The following PCDHGB2 variants were observed in gnomAD, a reference collection of about 807,000 sequenced individuals.
PCDHGB2 encodes protocadherin gamma subfamily B, 2.
A neutral mutation model predicts 59.3 loss-of-function variants in PCDHGB2; 55 were observed. The observed-to-expected ratio is 0.93, with a 90% CI of 0.75 to 1.16. PCDHGB2 has a LOEUF of 1.16. Ranked by LOEUF, PCDHGB2 falls within the 50% of genes most tolerant of loss-of-function variation. The probability of loss-of-function intolerance (pLI) is 0.00; values close to 1 mark genes in which losing one functional copy is unlikely to be tolerated. For synonymous variants in PCDHGB2, 516 were observed against 512.0 expected, an observed-to-expected ratio of 1.01 and a Z score of -0.11; for missense variants, 1,228 against 1,198.5, an observed-to-expected ratio of 1.02 and a Z score of -0.36.
At chr5:141,421,813 G>A in intron 1 of PCDHGB2, 1 of 1,613,838 alleles carries the variant, frequency 6.2e-7, no homozygotes, top group Non-Finnish European at 8.5e-7. Flanking sequence ...TCCAGAGCTA[G>A]TACTGGAGGG....
chr5:141,370,825 AACTGGCTCTC>A (rs1767227314), intron 1 of PCDHGB2: 3 of 1,614,070 alleles, frequency 1.9e-6, no homozygotes, highest in Admixed American at 3.3e-5. Context: ...GAAATCAGCG[AACTGGCTCTC>A]ACTGGAGCCA....
chr5:141,505,302 G>GTAC, intron 2 of PCDHGB2, 91 bp from the exon 3 acceptor site: 5 of 1,592,714 alleles, frequency 3.1e-6, no homozygotes, highest in Non-Finnish European at 4.3e-6. Context: ...TAGGGTTAGG[G>GTAC]TACTAGGTTT....
Position 141,389,814 on chromosome 5 carries a change from G to C in PCDHGB2, c.2421+27258G>C, listed in dbSNP as rs753211260. 2.0e-5 allele frequency: 32 copies of C among 1,613,868 alleles called. No individual in the cohort carries two copies. In the Admixed American group the frequency reaches 5.0e-4, roughly 25 times the overall value. ...CGTCCGCCAGCGCCTTCTGGTCGCCGTGCGTGACGGTGGACAGCCACCACT... is the reference window on the plus strand; with the variant it reads ...CGTCCGCCAGCGCCTTCTGGTCGCCCTGCGTGACGGTGGACAGCCACCACT... On this transcript the variant is annotated intron_variant, in intron 1 of 3. Transcript: ENST00000522605.
At chr5:141,467,352 C>A (rs2099142466) in intron 1 of PCDHGB2, among the ~76,000 whole-genome samples, 1 of 152,140 alleles carries the variant, frequency 6.6e-6, no homozygotes, top group South Asian at 2.1e-4. Context: ...TGCCCCCGGC[C>A]AAATCAACGT....
chr5:141,485,009 C>A lies in PCDHGB2; in HGVS notation c.2422-9798C>A, dbSNP rs531346426. 4 of 628,216 alleles carry A rather than the reference C, an allele frequency of 6.4e-6. No individual in the cohort carries two copies. Among genetic ancestry groups the A allele is most frequent in the African/African-American group, 3.7e-5 (2 of 54,100 alleles). 38.9% of individuals were successfully genotyped at this position (628,216 alleles called of 1,614,324 possible). On this transcript the variant is annotated intron_variant, in intron 1 of 3. Transcript: ENST00000522605. This position sits in a 1 kb window ranked among gnomAD's most constrained non-coding sequence, Gnocchi z 5.7. Reference sequence around the variant, plus strand: ...GGTGGTGAAAGGCAGACAAATCTACCCCGCCACCAGCAAAAACGGCGCGTA... The same window carrying A: ...GGTGGTGAAAGGCAGACAAATCTACACCGCCACCAGCAAAAACGGCGCGTA...
At chr5:141,475,983 C>T in intron 1 of PCDHGB2, 2 of 1,049,240 alleles carry the variant, frequency 1.9e-6, no homozygotes, top group Non-Finnish European at 2.8e-6. Context: ...GAACAGCCGG[C>T]GAGCAAATCA....
chr5:141,383,219 A>G (rs1333678455), intron 1 of PCDHGB2: 2 of 1,614,000 alleles, frequency 1.2e-6, no homozygotes, highest in Admixed American at 3.3e-5. Context: ...GTAAACTTTA[A>G]CATCCTGATG....
intron 2 of PCDHGB2, among the ~76,000 whole-genome samples, chr5:141,500,928 G>A (rs2099803943): frequency 6.6e-6 from 1 of 151,476 alleles, no homozygotes; most frequent in African/African-American, 2.4e-5. Context: ...GGGTGCAGTG[G>A]CGCCATCTCG....
chr5:141,399,213 T>C (rs2093770836), intron 1 of PCDHGB2: 1 of 1,613,852 alleles, frequency 6.2e-7, no homozygotes, highest in Non-Finnish European at 8.5e-7. Context: ...GAACACTAAT[T>C]GCTTTGATCA....
chr5:141,432,700 G>A lies in PCDHGB2; in HGVS notation c.2422-62107G>A. On this transcript the variant is annotated intron_variant, in intron 1 of 3. Transcript: ENST00000522605. The surrounding 1 kb of genome is among the most constrained non-coding windows in gnomAD (Gnocchi z 6.0). ...AGCAGAGCCTCGTAGTGGCCGTCCAGGACCACGGCCAGCCCCCTCTCTCCG... is the reference window on the plus strand; with the variant it reads ...AGCAGAGCCTCGTAGTGGCCGTCCAAGACCACGGCCAGCCCCCTCTCTCCG... The A allele has an allele frequency of 6.2e-7, 1 of 1,613,980 alleles. No individual in the cohort carries two copies. The highest frequency in any genetic ancestry group is 8.5e-7 in the Non-Finnish European group (1 of 1,179,978).
chr5:141,441,359 G>T (rs932747576), intron 1 of PCDHGB2: 1 of 152,522 alleles, frequency 6.6e-6, no homozygotes, highest in Non-Finnish European at 1.5e-5. Flanking sequence ...TGTAACAAAT[G>T]GGGCCGTGGA....
At chr5:141,371,515 T>C in intron 1 of PCDHGB2, 1 of 1,613,844 alleles carries the variant, frequency 6.2e-7, no homozygotes, top group Non-Finnish European at 8.5e-7. Context: ...ACACATGATC[T>C]AGATTCTGGA....
chr5:141,413,358 G>C, intron 1 of PCDHGB2: 1 of 1,613,972 alleles, frequency 6.2e-7, no homozygotes, highest in Non-Finnish European at 8.5e-7. Flanking sequence ...TGGCGCCCCG[G>C]GAGCTGGCGG....
chr5:141,384,792 C>T lies in PCDHGB2; in HGVS notation c.2421+22236C>T, dbSNP rs374905153. ...CGGGCGAGGTGCGCACGGCTCGGGC[C>T]CTGCTGGACAGAGATGCCCTCAAGC... On this transcript the variant is annotated intron_variant, in intron 1 of 3. Transcript: ENST00000522605. The T allele has an allele frequency of 5.0e-6, 8 of 1,613,404 alleles. No homozygotes were observed. The African/African-American group carries it at 6.7e-5, about 13-fold the overall frequency.
At chr5:141,421,913 T>C in intron 1 of PCDHGB2, 1 of 1,613,710 alleles carries the variant, frequency 6.2e-7, no homozygotes, top group Non-Finnish European at 8.5e-7. Context: ...GCAGTTCCCA[T>C]TCGTGTGGTG....
Position 141,476,441 on chromosome 5 carries a change from GAGTTGGT to G in PCDHGB2, c.2422-18362_2422-18356del. 3 of 1,614,160 alleles carry G rather than the reference GAGTTGGT, an allele frequency of 1.9e-6. No homozygotes were observed. The South Asian group carries it at 3.3e-5, about 18-fold the overall frequency. ...ACTGCCCTCTTGCACTGTAACTCTG[GAGTTGGT>G]AGTGGAGAACCCGCTGGAGCTGTTC... On this transcript the variant is annotated intron_variant, in intron 1 of 3. Transcript: ENST00000522605. The surrounding 1 kb of genome is among the most constrained non-coding windows in gnomAD (Gnocchi z 7.6).
chr5:141,376,836 G>T, intron 1 of PCDHGB2: 1 of 252,676 alleles, frequency 4.0e-6, no homozygotes, highest in Admixed American at 5.1e-5. Context: ...ACAGGCGCCC[G>T]CCACCGCGCC....
Position 141,421,478 on chromosome 5 carries a change from G to A in PCDHGB2, c.2421+58922G>A, listed in dbSNP as rs763769838. The A allele has an allele frequency of 2.5e-6, 4 of 1,614,012 alleles. No individual in the cohort carries two copies. In the African/African-American group the frequency reaches 4.0e-5, roughly 16 times the overall value. On this transcript the variant is annotated intron_variant, in intron 1 of 3. Coordinates refer to ENST00000522605, the MANE Select transcript of PCDHGB2 (RefSeq NM_018923.3). ...TTCGCTGTGAATCCGCGAAGCGGCA[G>A]CTTGATCACGGCAGGCAGGATAGAC... is the stretch of plus-strand genomic sequence containing the variant.
At chr5:141,492,822 C>T (rs1241767956) in intron 1 of PCDHGB2, among the ~76,000 whole-genome samples, 1 of 152,238 alleles carries the variant, frequency 6.6e-6, no homozygotes, top group Non-Finnish European at 1.5e-5. Context: ...GCACCAGCGG[C>T]CCCTTCCTCC....
Sources: gnomAD v4.1 joint callset for allele counts (sites outside exome capture counted in the v4.1 genomes callset) on GRCh38, gnomAD v4.1.1 for gene constraint, Gnocchi (gnomAD v3.1) non-coding constraint, MANE v1.5 for transcripts, NCBI Gene and HGNC (gene_info 2026-07-23, HGNC 2026-07-21) for gene names.